The following CLPS variants were observed in gnomAD, a reference collection of about 807,000 sequenced individuals.
CLPS encodes the protein colipase, also known as colipase, pancreatic.
CLPS carries 8 observed loss-of-function variants against 9.3 expected under a neutral mutation model. That is an observed-to-expected ratio of 0.86 (90% CI 0.51 to 1.56). CLPS has a LOEUF of 1.56. Among genes scored for constraint, CLPS ranks in the 40% most tolerant of loss-of-function variants. The probability of loss-of-function intolerance (pLI) is 0.00; values close to 1 mark genes in which losing one functional copy is unlikely to be tolerated. For missense variants in CLPS, 144 were observed against 145.7 expected, an observed-to-expected ratio of 0.99 and a Z score of 0.06; for synonymous variants, 61 against 56.2, an observed-to-expected ratio of 1.09 and a Z score of -0.39.
In CLPS at chr6:35,797,249, C is replaced by T; in HGVS notation, c.40G>A (p.Val14Met). 6.2e-7 allele frequency: 1 copy of T among 1,614,114 alleles called. No homozygotes were observed. The change falls in exon 1 of 3, where the codon GTG becomes ATG. Residue 14 changes from valine to methionine, a missense_variant. Coordinates refer to ENST00000259938, the MANE Select transcript of CLPS (RefSeq NM_001832.4). ...ILILLLVALS[V>M]AYAAPGPRGI... ...CGGGGGCCAGGAGCTGCATAGGCCA[C>T]AGAGAGGGCGACAAGCAGGAGGATC...
chr6:35,795,245 A>T lies in CLPS; in HGVS notation c.240T>A (p.Cys80Ter). 1 of 1,614,192 alleles carries T rather than the reference A, an allele frequency of 6.2e-7. No individual in the cohort carries two copies. The part of the protein sequence containing the change: ...TLYGIYYKCP[C>*]ERGLTCEGDK... Reference sequence around the variant, plus strand: ...CTCCCTCACAGGTCAGGCCACGCTCACAGGGACACTTGTAGTAAATCCCAT... The same window carrying T: ...CTCCCTCACAGGTCAGGCCACGCTCTCAGGGACACTTGTAGTAAATCCCAT... Residue 80 changes from cysteine to a stop codon, truncating the protein, a stop_gained, in exon 3 of 3, where the codon TGT becomes TGA. Coordinates refer to ENST00000259938, the MANE Select transcript of CLPS (RefSeq NM_001832.4). LOFTEE classifies it high-confidence loss of function.
chr6:35,797,019 T>C (rs1768384890), intron 1 of CLPS, among the ~76,000 whole-genome samples, 186 bp downstream of exon 1: 1 of 152,242 alleles, frequency 6.6e-6, no homozygotes, highest in Non-Finnish European at 1.5e-5. Context: ...GGAGAGGGGC[T>C]GATCAGCCTT....
chr6:35,795,619 G>A (rs1032405283), intron 2 of CLPS, 112 bp downstream of exon 2: 30 of 1,517,528 alleles, frequency 2.0e-5, no homozygotes, highest in African/African-American at 2.7e-5. Flanking sequence ...CCTCCCTCTC[G>A]TCTCCTCAAC....
Position 35,795,134 on chromosome 6 carries a change from G to C in CLPS, c.*12C>G. 12 of 1,612,562 alleles carry C rather than the reference G, an allele frequency of 7.4e-6. No homozygotes were observed. The highest frequency in any genetic ancestry group is 1.0e-5 in the Non-Finnish European group (12 of 1,179,340). ...AGCATTCTGGGCTAGGTGTGGGAGT[G>C]GGTGGGCAGTCTCACTGCTTGGAGC... On this transcript the variant is annotated 3_prime_UTR_variant, in exon 3 of 3. Coordinates refer to ENST00000259938, the MANE Select transcript of CLPS (RefSeq NM_001832.4).
chr6:35,796,648 T>C (rs1029555770), intron 1 of CLPS, among the ~76,000 whole-genome samples: 5 of 152,390 alleles, frequency 3.3e-5, no homozygotes, highest in African/African-American at 1.2e-4. Context: ...CAAAGCTCCC[T>C]CGTAGGGCCA....
At chr6:35,796,764 T>C (rs151138743) in intron 1 of CLPS, 6,200 of 448,168 alleles carry the variant, frequency 0.014, 2 homozygotes, top group African/African-American at 0.031. Context: ...TGAAACCCTA[T>C]TTCTACTAAA....
In CLPS at chr6:35,795,096, C is replaced by T. The variant is rs567711356; in HGVS notation, c.*50G>A. ...GGAGCAGGGGAGAGATGCCCCTGCG[C>T]CTAGTGGCCTACAGCATTCTGGGCT... On this transcript the variant is annotated 3_prime_UTR_variant, in exon 3 of 3. Coordinates refer to ENST00000259938, the MANE Select transcript of CLPS (RefSeq NM_001832.4). 1.3e-6 allele frequency: 2 copies of T among 1,599,976 alleles called. No individual in the cohort carries two copies. Among genetic ancestry groups the T allele is most frequent in the South Asian group, 1.1e-5 (1 of 88,406 alleles).
rs765589133 is a variant in CLPS, at chr6:35,797,292, G to A, written c.-4C>T. 1.2e-5 allele frequency: 19 copies of A among 1,613,442 alleles called. No homozygotes were observed. Among genetic ancestry groups the A allele is most frequent in the Non-Finnish European group, 1.5e-5 (18 of 1,179,692 alleles). On this transcript the variant is annotated 5_prime_UTR_variant, in exon 1 of 3. Coordinates refer to ENST00000259938, the MANE Select transcript of CLPS (RefSeq NM_001832.4). ...GGAGGATCAGGATCTTCTCCATGGT[G>A]AGTGGGACAGCTGGTGTGGGTGGCG...
Position 35,795,222 on chromosome 6 carries a change from C to A in CLPS, c.263G>T (p.Gly88Val), listed in dbSNP as rs376103498. 131 of 1,614,208 alleles carry A rather than the reference C, an allele frequency of 8.1e-5. No homozygotes were observed. The South Asian group carries it at 1.4e-3, about 17-fold the overall frequency. ...CPCERGLTCE[G>V]DKTIVGSITN... ...GATGGAGCCCACGATGGTCTTGTCT[C>A]CCTCACAGGTCAGGCCACGCTCACA... is the stretch of plus-strand genomic sequence containing the variant. Residue 88 changes from glycine to valine, a missense_variant, in exon 3 of 3, where the codon GGA becomes GTA. Coordinates refer to ENST00000259938, the MANE Select transcript of CLPS (RefSeq NM_001832.4).
chr6:35,797,186 C>A lies in CLPS; in HGVS notation c.84+19G>T. 1 of 1,607,824 alleles carries A rather than the reference C, an allele frequency of 6.2e-7. No homozygotes were observed. The highest frequency in any genetic ancestry group is 2.2e-5 in the East Asian group (1 of 44,828). The stretch of plus-strand genomic sequence containing the variant: ...TCATCTGGGGACTCAGGAGGCGCCT[C>A]CCCTGAAGACCCTCTTACCAGGTTG... On this transcript the variant is annotated intron_variant, in intron 1 of 2. Transcript: ENST00000259938.
intron 2 of CLPS, 130 bp from the exon 3 acceptor site, chr6:35,795,407 C>G: frequency 7.2e-7 from 1 of 1,388,508 alleles, no homozygotes. Flanking sequence ...CCTGCCTCCC[C>G]AGGGGTGCCG....
chr6:35,795,845 A>C lies in CLPS; in HGVS notation c.93T>G (p.Gly31=). 6.2e-7 allele frequency: 1 copy of C among 1,612,622 alleles called. No individual in the cohort carries two copies. Among genetic ancestry groups the C allele is most frequent in the Non-Finnish European group, 8.5e-7 (1 of 1,180,010 alleles). ...ACTGGGCACTATTCATGCAGAGCTC[A>C]CCGTTCTCCTGCCAGGAGCAGCCAG... ...PRGIIINLEN[G]ELCMNSAQCK... Residue 31 remains glycine (G), a synonymous_variant, in exon 2 of 3, where the codon GGT becomes GGG. Coordinates refer to ENST00000259938, the MANE Select transcript of CLPS (RefSeq NM_001832.4).
Position 35,795,074 on chromosome 6 carries a change from G to T in CLPS, c.*72C>A. 1 of 1,570,162 alleles carries T rather than the reference G, an allele frequency of 6.4e-7. No individual in the cohort carries two copies. The highest frequency in any genetic ancestry group is 2.3e-5 in the East Asian group (1 of 43,856). On this transcript the variant is annotated 3_prime_UTR_variant, in exon 3 of 3. Coordinates refer to ENST00000259938, the MANE Select transcript of CLPS (RefSeq NM_001832.4). The stretch of plus-strand genomic sequence containing the variant: ...TGGCCAGCCCGGGAGATGCGCTGGA[G>T]CAGGGGAGAGATGCCCCTGCGCCTA...
At chr6:35,795,588 A>C in intron 2 of CLPS, 143 bp downstream of exon 2, 1 of 1,359,456 alleles carries the variant, frequency 7.4e-7, no homozygotes, top group East Asian at 2.4e-5. Context: ...TGGGATGGGA[A>C]AGTGCTTTGA....
chr6:35,794,986 G>A lies in CLPS; in HGVS notation c.*160C>T. 9.6e-7 allele frequency: 1 copy of A among 1,038,200 alleles called. No individual in the cohort carries two copies. The highest frequency in any genetic ancestry group is 1.8e-5 in the South Asian group (1 of 56,362). The allele number at this position is 1,038,200 out of a possible 1,614,324, so 64.3% of individuals were successfully genotyped here. A position where few individuals can be genotyped will look rare whatever the true frequency, so the allele number is the denominator to read the frequency against. On this transcript the variant is annotated 3_prime_UTR_variant, in exon 3 of 3. Coordinates refer to ENST00000259938, the MANE Select transcript of CLPS (RefSeq NM_001832.4). ...AAGAATATGCAGGAGACTGGGAAAG[G>A]TTTGCAGGAGGCCTTTAATTGTGAA...
chr6:35,795,611 T>C lies in CLPS; in HGVS notation c.207+120A>G, dbSNP rs1785479617. 12 of 1,491,024 alleles carry C rather than the reference T, an allele frequency of 8.0e-6. No individual in the cohort carries two copies. The South Asian group carries it at 1.3e-4, about 16-fold the overall frequency. 92.4% of individuals were successfully genotyped at this position (1,491,024 alleles called of 1,614,324 possible). ...GAAAGTGCTTTGACACCTGTCGACC[T>C]CCCTCTCGTCTCCTCAACATTCAGT... is the stretch of plus-strand genomic sequence containing the variant. On this transcript the variant is annotated intron_variant, in intron 2 of 2. Transcript: ENST00000259938.
At chr6:35,795,909 C>A (rs1768355092) in intron 1 of CLPS, 56 bp from the exon 2 acceptor site, 2 of 1,601,812 alleles carry the variant, frequency 1.2e-6, no homozygotes, top group African/African-American at 2.7e-5. Context: ...CTTCTCCATT[C>A]AGACCTGTAC....
At chr6:35,797,067 G>A in intron 1 of CLPS, 138 bp downstream of exon 1, 3 of 775,576 alleles carry the variant, frequency 3.9e-6, no homozygotes, top group South Asian at 3.4e-5. Flanking sequence ...GACAGGACAT[G>A]GAAGTAAACA....
At position 35,795,809 on chromosome 6, in the gene CLPS, A is replaced by G. The variant is rs564175583; in HGVS notation, c.129T>C (p.Asn43=). Reference sequence around the variant, plus strand: ...CCAGCGCACTTGAATGCTGGCAGCAATTGCTCTTACACTGGGCACTATTCA... The same window carrying G: ...CCAGCGCACTTGAATGCTGGCAGCAGTTGCTCTTACACTGGGCACTATTCA... The part of the protein sequence containing the change: ...LCMNSAQCKS[N]CCQHSSALGL... Residue 43 remains asparagine, a synonymous_variant, in exon 2 of 3, where the codon AAT becomes AAC. Transcript: ENST00000259938. The G allele has an allele frequency of 6.2e-7, 1 of 1,613,320 alleles. No homozygotes were observed. Among genetic ancestry groups the G allele is most frequent in the Admixed American group, 1.7e-5 (1 of 60,028 alleles).
Sources: allele counts gnomAD v4.1 joint callset (sites outside exome capture counted in the v4.1 genomes callset), GRCh38; gene constraint gnomAD v4.1.1; transcripts MANE v1.5; gene names NCBI Gene and HGNC (gene_info 2026-07-23, HGNC 2026-07-21).